LRFN5: variants seen among roughly 807,000 people sequenced by gnomAD.
LRFN5 encodes the protein leucine-rich repeat and fibronectin type-III domain-containing protein 5.
In LRFN5, 24 loss-of-function variants were observed where a neutral mutation model predicts 45.6. The observed-to-expected ratio is 0.53, with a 90% confidence interval of 0.38 to 0.74. The LOEUF is 0.74. Ranked by LOEUF, LRFN5 falls within the 30% of genes least tolerant of loss-of-function variation. The pLI is 0.00. For missense variants in LRFN5, 776 were observed against 861.5 expected, an observed-to-expected ratio of 0.90 and a Z score of 1.24; for synonymous variants, 340 against 313.8, an observed-to-expected ratio of 1.08 and a Z score of -0.88.
At chr14:41,834,639 A>AT (rs1468192139) in intron 2 of LRFN5, among the ~76,000 whole-genome samples, 10 of 151,702 alleles carry the variant, frequency 6.6e-5, no homozygotes, top group Non-Finnish European at 8.8e-5. Flanking sequence ...TTGTGGGTGG[A>AT]TTTTTTTTGT....
In LRFN5 at chr14:41,675,495, C is replaced by T. The variant is rs1013131380; in HGVS notation, c.-197+66933C>T. On this transcript the variant is annotated intron_variant, in intron 1 of 5. Coordinates refer to ENST00000298119, the MANE Select transcript of LRFN5 (RefSeq NM_152447.5). ...GCGCGCGCCTGCAATCGCAGGCACT[C>T]GGCAGGCTGAGGCAGGAGAATCAGG... is the stretch of plus-strand genomic sequence containing the variant. Among the ~76,000 whole-genome samples the T allele has an allele frequency of 3.3e-5, 5 of 152,230 alleles. No individual in the cohort carries two copies. In the South Asian group the frequency reaches 6.2e-4, roughly 19 times the overall value.
intron 2 of LRFN5, among the ~76,000 whole-genome samples, chr14:41,822,772 C>T (rs1232927350): frequency 6.6e-6 from 1 of 151,124 alleles, no homozygotes; most frequent in African/African-American, 2.4e-5. Context: ...TTGTGTTGCT[C>T]TCCATATATT....
At chr14:41,743,674 A>C (rs954405962) in intron 1 of LRFN5, among the ~76,000 whole-genome samples, 1 of 152,322 alleles carries the variant, frequency 6.6e-6, no homozygotes, top group Non-Finnish European at 1.5e-5. Context: ...TTAAAATAAT[A>C]GATTTTTAAT....
intron 1 of LRFN5, among the ~76,000 whole-genome samples, chr14:41,691,237 CAT>C (rs1266667550): frequency 2.0e-5 from 3 of 151,952 alleles, no homozygotes; most frequent in Non-Finnish European, 2.9e-5. Flanking sequence ...TCTGTTCTGA[CAT>C]GTGCTTTTAA....
intron 2 of LRFN5, among the ~76,000 whole-genome samples, chr14:41,806,442 G>A (rs1161954485): frequency 2.0e-5 from 3 of 152,156 alleles, no homozygotes; most frequent in Non-Finnish European, 2.9e-5. Context: ...TAGAGAAAAG[G>A]AAGTTTTGTT....
chr14:41,657,591 G>T (rs1450438791), intron 1 of LRFN5, among the ~76,000 whole-genome samples: 1 of 151,862 alleles, frequency 6.6e-6, no homozygotes, highest in Non-Finnish European at 1.5e-5. Flanking sequence ...AAAACCTTTT[G>T]ATTTTACAGG....
chr14:41,692,304 A>C (rs1239137983), intron 1 of LRFN5, among the ~76,000 whole-genome samples: 1 of 151,650 alleles, frequency 6.6e-6, no homozygotes, highest in East Asian at 1.9e-4. Context: ...TTTTTTTGTT[A>C]ATTTTTATTG....
chr14:41,649,567 A>G (rs760677121), intron 1 of LRFN5, among the ~76,000 whole-genome samples: 39 of 152,134 alleles, frequency 2.6e-4, no homozygotes, highest in Non-Finnish European at 4.6e-4. Flanking sequence ...TCATTATAAA[A>G]TCCAGTTTTA....
At chr14:41,727,759 A>G (rs1883999282) in intron 1 of LRFN5, among the ~76,000 whole-genome samples, 1 of 152,176 alleles carries the variant, frequency 6.6e-6, no homozygotes, top group South Asian at 2.1e-4. Context: ...TTTGAACTGG[A>G]GTCTGAAATG....
intron 2 of LRFN5, among the ~76,000 whole-genome samples, chr14:41,814,102 T>C (rs1286460316): frequency 6.6e-6 from 1 of 152,148 alleles, no homozygotes; most frequent in Non-Finnish European, 1.5e-5. Flanking sequence ...TTTCTTCCAT[T>C]CTGTAGATTG....
chr14:41,884,446 C>T (rs887734114), intron 2 of LRFN5, among the ~76,000 whole-genome samples: 1 of 152,062 alleles, frequency 6.6e-6, no homozygotes, highest in African/African-American at 2.4e-5. Flanking sequence ...TTGTGCTGGA[C>T]ACCTCTTAAC....
chr14:41,902,402 T>G (rs937207957), intron 5 of LRFN5, among the ~76,000 whole-genome samples: 10 of 151,910 alleles, frequency 6.6e-5, no homozygotes, highest in African/African-American at 1.9e-4. Flanking sequence ...ATAGGAGCTA[T>G]CTATTGATAA....
At chr14:41,621,852 G>C (rs1888147113) in intron 1 of LRFN5, among the ~76,000 whole-genome samples, 1 of 152,102 alleles carries the variant, frequency 6.6e-6, no homozygotes, top group African/African-American at 2.4e-5. Context: ...CAGATTTGGA[G>C]GGGTAGGTCA....
At chr14:41,816,692 A>G (rs1432108703) in intron 2 of LRFN5, among the ~76,000 whole-genome samples, 1 of 151,818 alleles carries the variant, frequency 6.6e-6, no homozygotes, top group Non-Finnish European at 1.5e-5. Context: ...ATCCTCTGGT[A>G]TTTTCCAAAC....
intron 1 of LRFN5, among the ~76,000 whole-genome samples, chr14:41,720,144 G>A (rs556176482): frequency 2.6e-5 from 4 of 151,932 alleles, no homozygotes; most frequent in South Asian, 2.1e-4. Flanking sequence ...GTAGTCCCCC[G>A]TGTCTATTAT....
intron 2 of LRFN5, among the ~76,000 whole-genome samples, chr14:41,772,935 T>A (rs1464207454): frequency 6.6e-6 from 1 of 152,182 alleles, no homozygotes; most frequent in African/African-American, 2.4e-5. Context: ...CTACTGTGAT[T>A]TCTCCCGTAG....
At chr14:41,686,556 G>T (rs1039178583) in intron 1 of LRFN5, among the ~76,000 whole-genome samples, 10 of 151,850 alleles carry the variant, frequency 6.6e-5, no homozygotes, top group Non-Finnish European at 1.3e-4. Flanking sequence ...GTTTTCAAAG[G>T]GAATGCTTCC....
At chr14:41,767,363 G>T (rs1885922986) in intron 2 of LRFN5, among the ~76,000 whole-genome samples, 2 of 151,844 alleles carry the variant, frequency 1.3e-5, no homozygotes, top group African/African-American at 4.8e-5. Context: ...TGAATAAAAA[G>T]GTTCAAAATG....
chr14:41,774,196 A>G (rs1886195307), intron 2 of LRFN5, among the ~76,000 whole-genome samples: 1 of 152,212 alleles, frequency 6.6e-6, no homozygotes, highest in Non-Finnish European at 1.5e-5. Context: ...GGCTATGAAA[A>G]CCAATGGAAA....
Sources: gnomAD v4.1 joint callset for allele counts (sites outside exome capture counted in the v4.1 genomes callset) on GRCh38, gnomAD v4.1.1 for gene constraint, MANE v1.5 for transcripts, NCBI Gene and HGNC (gene_info 2026-07-23, HGNC 2026-07-21) for gene names.